Variants in MYO1D observed in about 807,000 individuals in gnomAD.
MYO1D encodes the protein unconventional myosin-Id.
A neutral mutation model predicts 122.0 loss-of-function variants in MYO1D; 83 were observed. That is an observed-to-expected ratio of 0.68 (90% CI 0.57 to 0.82). The LOEUF is 0.82. Ranked by LOEUF, MYO1D falls within the 40% of genes least tolerant of loss-of-function variation. The probability of loss-of-function intolerance (pLI) is 0.00; values close to 1 mark genes in which losing one functional copy is unlikely to be tolerated. For synonymous variants in MYO1D, 464 were observed against 446.9 expected, an observed-to-expected ratio of 1.04 and a Z score of -0.48; for missense variants, 1,157 against 1,269.5, an observed-to-expected ratio of 0.91 and a Z score of 1.35.
chr17:32,732,458 A>C (rs2089652362), intron 14 of MYO1D, among the ~76,000 whole-genome samples: 1 of 152,020 alleles, frequency 6.6e-6, no homozygotes, highest in Non-Finnish European at 1.5e-5. Flanking sequence ...GGAGCTACCC[A>C]CCATGGGTCT....
chr17:32,832,245 G>A (rs1384355363), intron 1 of MYO1D, among the ~76,000 whole-genome samples: 3 of 151,102 alleles, frequency 2.0e-5, no homozygotes, highest in African/African-American at 7.3e-5. Flanking sequence ...CTCCACTGCT[G>A]GAACTACAGG....
At chr17:32,690,185 CTTT>C (rs1202005031) in intron 16 of MYO1D, among the ~76,000 whole-genome samples, 6 of 141,124 alleles carry the variant, frequency 4.3e-5, no homozygotes, top group Admixed American at 2.1e-4. Flanking sequence ...GAGTGTTTAT[CTTT>C]TTTTTTTTTT....
chr17:32,814,029 C>A (rs2090593750), intron 1 of MYO1D, among the ~76,000 whole-genome samples: 1 of 152,138 alleles, frequency 6.6e-6, no homozygotes, highest in Non-Finnish European at 1.5e-5. Flanking sequence ...AAGTGACCTG[C>A]CAGAGTTCAG....
chr17:32,546,898 A>G (rs1597888966), intron 21 of MYO1D, among the ~76,000 whole-genome samples: 1 of 146,216 alleles, frequency 6.8e-6, no homozygotes, highest in Non-Finnish European at 1.5e-5. Flanking sequence ...CCAAGTCACA[A>G]AAATAAGAAC....
intron 16 of MYO1D, among the ~76,000 whole-genome samples, chr17:32,703,740 G>C (rs1034630167): frequency 1.2e-4 from 18 of 152,260 alleles, no homozygotes; most frequent in African/African-American, 4.3e-4. Context: ...CAGAATATTA[G>C]AGGATTATAA....
At chr17:32,686,859 C>T (rs148995614) in intron 16 of MYO1D, among the ~76,000 whole-genome samples, 1,554 of 151,528 alleles carry the variant, frequency 0.01, 22 homozygotes, top group Middle Eastern at 0.034. Flanking sequence ...AGAGTGAGAC[C>T]CTGTTTCAAA....
intron 21 of MYO1D, among the ~76,000 whole-genome samples, chr17:32,525,183 A>C (rs1910300672): frequency 1.3e-5 from 2 of 152,222 alleles, no homozygotes; most frequent in Non-Finnish European, 2.9e-5. Context: ...GGTAGGATTT[A>C]TTTGGCTGTC....
At chr17:32,541,840 C>T (rs1464485845) in intron 21 of MYO1D, among the ~76,000 whole-genome samples, 1 of 152,156 alleles carries the variant, frequency 6.6e-6, no homozygotes, top group African/African-American at 2.4e-5. Flanking sequence ...CAGGGTGCTT[C>T]CCCGCCCCAC....
At chr17:32,793,921 A>G (rs1344575576) in intron 1 of MYO1D, among the ~76,000 whole-genome samples, 1 of 152,248 alleles carries the variant, frequency 6.6e-6, no homozygotes, top group African/African-American at 2.4e-5. Context: ...TAATTAGTAC[A>G]TGGTAACAGC....
chr17:32,661,898 A>G (rs1367412103), intron 16 of MYO1D, among the ~76,000 whole-genome samples: 5 of 152,144 alleles, frequency 3.3e-5, no homozygotes, highest in Non-Finnish European at 5.9e-5. Flanking sequence ...TATTACACAT[A>G]TATTTGGTTC....
intron 11 of MYO1D, among the ~76,000 whole-genome samples, chr17:32,751,945 C>CA: frequency 6.6e-6 from 1 of 152,004 alleles, no homozygotes; most frequent in East Asian, 1.9e-4. Context: ...CATATAGAAC[C>CA]AAAAAACAGC....
chr17:32,760,335 C>T lies in MYO1D; in HGVS notation c.1251G>A (p.Lys417=), dbSNP rs201838810. Residue 417 remains lysine, a synonymous_variant, in exon 10 of 22, where the codon AAG becomes AAA. Coordinates refer to ENST00000318217, the MANE Select transcript of MYO1D (RefSeq NM_015194.3). ...CCCGCTGGTATTCCTCTTGTTCTTG[C>T]TTCAGAACCAGCTGAATAAATAGCT... ...LQQLFIQLVL[K]QEQEEYQREG... The T allele has an allele frequency of 1.2e-6, 2 of 1,612,730 alleles. No individual in the cohort carries two copies. Among genetic ancestry groups the T allele is most frequent in the East Asian group, 2.2e-5 (1 of 44,808 alleles).
At chr17:32,515,974 C>T (rs535471200) in intron 21 of MYO1D, among the ~76,000 whole-genome samples, 1 of 152,318 alleles carries the variant, frequency 6.6e-6, no homozygotes, top group East Asian at 1.9e-4. Flanking sequence ...GGAAAGTCTA[C>T]CCCCTGCTCC....
At chr17:32,699,331 A>G (rs1291419955) in intron 16 of MYO1D, among the ~76,000 whole-genome samples, 1 of 152,244 alleles carries the variant, frequency 6.6e-6, no homozygotes, top group Non-Finnish European at 1.5e-5. Context: ...ATCATAATTA[A>G]TATTACATAT....
chr17:32,636,911 C>T (rs1411447411), intron 20 of MYO1D, among the ~76,000 whole-genome samples: 2 of 152,288 alleles, frequency 1.3e-5, no homozygotes, highest in South Asian at 2.1e-4. Context: ...TATGGGAATA[C>T]GAGACGGTAT....
chr17:32,629,874 G>A (rs1289016803), intron 20 of MYO1D, among the ~76,000 whole-genome samples: 2 of 152,212 alleles, frequency 1.3e-5, no homozygotes, highest in Non-Finnish European at 2.9e-5. Context: ...ATTTGATAAA[G>A]TCGTGCCTCA....
intron 14 of MYO1D, among the ~76,000 whole-genome samples, chr17:32,736,732 A>G (rs2089705730): frequency 6.6e-6 from 1 of 152,240 alleles, no homozygotes; most frequent in South Asian, 2.1e-4. Flanking sequence ...TAGTTAATTG[A>G]CTAACTGTAG....
intron 14 of MYO1D, chr17:32,734,578 G>C (rs1342473754): frequency 6.6e-6 from 1 of 152,124 alleles, no homozygotes; most frequent in Non-Finnish European, 1.5e-5. Flanking sequence ...CACTTTAGCA[G>C]TATTCTATAA....
intron 16 of MYO1D, 57 bp from the exon 17 acceptor site, chr17:32,659,395 CT>C: frequency 6.4e-7 from 1 of 1,551,650 alleles, no homozygotes; most frequent in African/African-American, 1.4e-5. Context: ...TTGTGGATGG[CT>C]TTGATATTAT....
Sources: gnomAD v4.1 joint callset for allele counts (sites outside exome capture counted in the v4.1 genomes callset) on GRCh38, gnomAD v4.1.1 for gene constraint, MANE v1.5 for transcripts, NCBI Gene and HGNC (gene_info 2026-07-23, HGNC 2026-07-21) for gene names.